Variants in CALD1 observed in about 807,000 individuals in gnomAD.
CALD1 encodes caldesmon 1.
A neutral mutation model predicts 99.9 loss-of-function variants in CALD1; 33 were observed. The ratio of observed to expected loss-of-function variants is 0.33; its 90% CI spans 0.25 to 0.44. CALD1 has a LOEUF of 0.44. Ranked by LOEUF, CALD1 falls within the 20% of genes least tolerant of loss-of-function variation. CALD1 has a pLI of 1.00. For missense variants in CALD1, 861 were observed against 962.1 expected (o/e 0.89, Z 1.39); for synonymous variants, 310 against 325.0 (o/e 0.95, Z 0.50).
chr7:134,774,089 G>A lies in CALD1; in HGVS notation c.-130+29726G>A, dbSNP rs553885128. Among the ~76,000 whole-genome samples the A allele has an allele frequency of 5.9e-5, 9 of 151,476 alleles. No homozygotes were observed. The South Asian group carries it at 1.9e-3, about 32-fold the overall frequency. On this transcript the variant is annotated intron_variant, in intron 1 of 13. Coordinates refer to the CALD1 transcript ENST00000417172. Reference sequence around the variant, plus strand: ...GGAGGGTGAGGCAGGAGAATTGATTGAACCCAGGAGACAGAGGTTGCAGTG... The same window carrying A: ...GGAGGGTGAGGCAGGAGAATTGATTAAACCCAGGAGACAGAGGTTGCAGTG...
intron 1 of CALD1, among the ~76,000 whole-genome samples, chr7:134,826,576 G>A (rs1333312802): frequency 6.6e-6 from 1 of 152,112 alleles, no homozygotes; most frequent in Admixed American, 6.6e-5. Context: ...TAAAATTGAG[G>A]TCTTTTACCA....
chr7:134,810,774 C>A (rs553800710), intron 1 of CALD1, among the ~76,000 whole-genome samples: 1 of 152,294 alleles, frequency 6.6e-6, no homozygotes, highest in South Asian at 2.1e-4. Context: ...GCCTCCCATC[C>A]TCTTTTAGCT....
At position 134,928,949 on chromosome 7, in the gene CALD1, T is replaced by C. The variant is rs759894580; in HGVS notation, c.218+49T>C. The C allele has an allele frequency of 4.3e-5, 64 of 1,501,664 alleles. No homozygotes were observed. In the South Asian group the frequency reaches 4.5e-4, roughly 10 times the overall value. The allele number at this position is 1,501,664 out of a possible 1,614,324, so 93.0% of individuals were successfully genotyped here. A position where few individuals can be genotyped will look rare whatever the true frequency, so the allele number is the denominator to read the frequency against. On this transcript the variant is annotated intron_variant, in intron 4 of 14. Coordinates refer to ENST00000361675, the MANE Select transcript of CALD1 (RefSeq NM_033138.4). ...AGTTTCTAACTTGCGTCTTAGCCTG[T>C]CCGTTGAATGGAATTTGTTGAGCAG...
chr7:134,959,305 C>T (rs532614800), intron 11 of CALD1, among the ~76,000 whole-genome samples: 17 of 152,138 alleles, frequency 1.1e-4, no homozygotes, highest in Admixed American at 2.6e-4. Flanking sequence ...CTCAGCCTCC[C>T]AACCGTCTTG....
At chr7:134,797,496 C>A (rs1797789496) in intron 1 of CALD1, among the ~76,000 whole-genome samples, 1 of 152,174 alleles carries the variant, frequency 6.6e-6, no homozygotes, top group South Asian at 2.1e-4. Flanking sequence ...TGTAAAAGTG[C>A]TCCAGGAACC....
intron 1 of CALD1, among the ~76,000 whole-genome samples, chr7:134,808,298 A>G (rs1336662705): frequency 6.6e-6 from 1 of 150,640 alleles, no homozygotes; most frequent in Non-Finnish European, 1.5e-5. Context: ...TGTAGAGACA[A>G]CGTCTCACTA....
chr7:134,713,094 G>C, the CALD1 span, among the ~76,000 whole-genome samples: 1 of 152,152 alleles, frequency 6.6e-6, no homozygotes, highest in African/African-American at 2.4e-5. Context: ...AAGTTCTGGT[G>C]ATTTCCCCAA....
intron 1 of CALD1, among the ~76,000 whole-genome samples, chr7:134,792,417 G>A (rs985551855): frequency 6.6e-6 from 1 of 151,286 alleles, no homozygotes; most frequent in African/African-American, 2.4e-5. Context: ...GGCCTCCCGA[G>A]TAGCTGGGAT....
At chr7:134,717,437 G>A in the CALD1 span, among the ~76,000 whole-genome samples, 1 of 152,164 alleles carries the variant, frequency 6.6e-6, no homozygotes, top group African/African-American at 2.4e-5. Context: ...GAATGAAATC[G>A]GAACACATTT....
At chr7:134,770,508 T>C (rs1796868335) in intron 1 of CALD1, among the ~76,000 whole-genome samples, 1 of 152,094 alleles carries the variant, frequency 6.6e-6, no homozygotes, top group Admixed American at 6.5e-5. Context: ...CAGCATTCCT[T>C]GGCTTGTAGG....
At chr7:134,891,710 C>CA in intron 3 of CALD1, 3 of 970,762 alleles carry the variant, frequency 3.1e-6, no homozygotes, top group Non-Finnish European at 4.1e-6. Context: ...TTTTTCCTTT[C>CA]TTTTTTTTTT....
rs1486355823 is a variant in CALD1 at position 134,926,252 on chromosome 7, GAA to G, written c.72-2499_72-2498del. ...TATTTCATTTGATTGTCACACACAA[GAA>G]AATTTAACTCTAAAATTTAACTTTA... On this transcript the variant is annotated intron_variant, in intron 3 of 14. Coordinates refer to ENST00000361675, the MANE Select transcript of CALD1 (RefSeq NM_033138.4). 3.3e-5 allele frequency among the ~76,000 whole-genome samples: 5 copies of G among 152,202 alleles called. No homozygotes were observed. In the East Asian group the frequency reaches 9.6e-4, roughly 29 times the overall value.
At chr7:134,856,481 T>A (rs1353215178) in intron 2 of CALD1, among the ~76,000 whole-genome samples, 1 of 152,190 alleles carries the variant, frequency 6.6e-6, no homozygotes, top group Non-Finnish European at 1.5e-5. Context: ...AGGCAACAGT[T>A]TTTTTAGACT....
chr7:134,914,466 A>G (rs919315525), intron 3 of CALD1, among the ~76,000 whole-genome samples: 25 of 152,344 alleles, frequency 1.6e-4, no homozygotes, highest in African/African-American at 5.8e-4. Flanking sequence ...GATTGAAACT[A>G]GAAAATGTGT....
intron 1 of CALD1, among the ~76,000 whole-genome samples, chr7:134,813,451 A>G (rs1423360007): frequency 6.6e-6 from 1 of 152,220 alleles, no homozygotes; most frequent in Non-Finnish European, 1.5e-5. Flanking sequence ...CCTTGGGTAG[A>G]TAAGAGAGCA....
At chr7:134,830,004 T>C (rs1799154771) in intron 1 of CALD1, among the ~76,000 whole-genome samples, 1 of 152,046 alleles carries the variant, frequency 6.6e-6, no homozygotes, top group Non-Finnish European at 1.5e-5. Flanking sequence ...CAGGTAAATA[T>C]TGGTGTCATT....
chr7:134,908,870 T>C (rs189186787), intron 3 of CALD1, among the ~76,000 whole-genome samples: 15 of 152,244 alleles, frequency 9.9e-5, no homozygotes, highest in African/African-American at 3.4e-4. Flanking sequence ...AGTTGGTAGA[T>C]TCAGTTCGGT....
At chr7:134,791,061 CT>C (rs879449625) in intron 1 of CALD1, among the ~76,000 whole-genome samples, 90,081 of 152,054 alleles carry the variant, frequency 0.59, 27,390 homozygotes, top group East Asian at 0.84. Flanking sequence ...AGGTGAGATA[CT>C]ACTTATTAAG....
intron 3 of CALD1, among the ~76,000 whole-genome samples, chr7:134,916,730 G>A (rs73151962): frequency 0.048 from 7,248 of 152,160 alleles, 246 homozygotes; most frequent in Non-Finnish European, 0.073. Flanking sequence ...TTTTCCAATC[G>A]CTTTATGTCT....
Sources: allele counts gnomAD v4.1 joint callset (sites outside exome capture counted in the v4.1 genomes callset), GRCh38; gene constraint gnomAD v4.1.1; transcripts MANE v1.5; gene names NCBI Gene and HGNC (gene_info 2026-07-23, HGNC 2026-07-21).